The following MIGA2 variants were observed in gnomAD, a reference collection of about 807,000 sequenced individuals.
MIGA2 encodes mitoguardin 2.
Under a neutral mutation model 69.9 loss-of-function variants are expected in MIGA2, and 36 were observed. That is an observed-to-expected ratio of 0.52 (90% CI 0.39 to 0.68). The LOEUF (loss-of-function observed/expected upper bound fraction) is 0.68, where lower values mean the gene tolerates loss of function less well. Among genes scored for constraint, MIGA2 ranks in the 30% least tolerant of loss-of-function variants. MIGA2 has a pLI of 0.00. For synonymous variants in MIGA2, 333 were observed against 349.2 expected (o/e 0.95, Z 0.52); for missense variants, 660 against 787.7 (o/e 0.84, Z 1.94).
chr9:129,040,252 C>T (rs1316841576), intron 1 of MIGA2, among the ~76,000 whole-genome samples, 200 bp from the exon 2 acceptor site: 1 of 152,210 alleles, frequency 6.6e-6, no homozygotes, highest in African/African-American at 2.4e-5. Context: ...GCTCGCAGGG[C>T]CCCTGGTAGG....
At chr9:129,058,184 C>T (rs1190315445) in intron 6 of MIGA2, among the ~76,000 whole-genome samples, 1 of 151,758 alleles carries the variant, frequency 6.6e-6, no homozygotes, top group Admixed American at 6.6e-5. Flanking sequence ...ATTGCATGAA[C>T]CCATACGTTT....
In MIGA2 at chr9:129,045,195, A is replaced by C. The variant is rs373590754; in HGVS notation, c.307+2681A>C. Among the ~76,000 whole-genome samples, 4 of 150,032 alleles carry C rather than the reference A, an allele frequency of 2.7e-5. No homozygotes were observed. The East Asian group carries it at 7.8e-4, about 29-fold the overall frequency. ...AGCAAAAGTAGCCTGTGATTTCAGC[A>C]CTTTGAGAGGCTGAGGTGGGCGGGT... is the stretch of plus-strand genomic sequence containing the variant. On this transcript the variant is annotated intron_variant, in intron 3 of 15. Transcript: ENST00000684074.
rs935612111 is a variant in MIGA2 at position 129,044,963 on chromosome 9, G to A, written c.307+2449G>A. ...GCTTATAATCCCAGCACTTTGGGAGGCTAAAGCAGGCGGATCCCGAGGTCA... is the reference window on the plus strand; with the variant it reads ...GCTTATAATCCCAGCACTTTGGGAGACTAAAGCAGGCGGATCCCGAGGTCA... On this transcript the variant is annotated intron_variant, in intron 3 of 15. Coordinates refer to ENST00000684074, the MANE Select transcript of MIGA2 (RefSeq NM_001329990.2). Among the ~76,000 whole-genome samples, 3 of 149,986 alleles carry A rather than the reference G, an allele frequency of 2.0e-5. No individual in the cohort carries two copies. The East Asian group carries it at 6.1e-4, about 30-fold the overall frequency.
At position 129,070,450 on chromosome 9, in the gene MIGA2, G is replaced by A; in HGVS notation, c.1779G>A (p.Gln593=). ...AGAATGGGCCCCTGGGGGAGCTGCA[G>A]TAGAGGCGGCACGGGCTGGGGGGTG... is the stretch of plus-strand genomic sequence containing the variant. ...PRENGPLGEL[Q] Residue 593 remains glutamine (Q), a synonymous_variant, in exon 16 of 16, where the codon CAG becomes CAA. Transcript: ENST00000684074. The A allele has an allele frequency of 6.4e-7, 1 of 1,570,754 alleles. No homozygotes were observed. Among genetic ancestry groups the A allele is most frequent in the African/African-American group, 1.3e-5 (1 of 74,166 alleles).
At chr9:129,065,143 A>G (rs1272612354) in intron 11 of MIGA2, among the ~76,000 whole-genome samples, 1 of 150,908 alleles carries the variant, frequency 6.6e-6, no homozygotes, top group African/African-American at 2.4e-5. Flanking sequence ...AGTGTAAAAA[A>G]TATAGGATTT....
chr9:129,066,194 A>G (rs1846331469), intron 11 of MIGA2, among the ~76,000 whole-genome samples: 1 of 152,180 alleles, frequency 6.6e-6, no homozygotes, highest in South Asian at 2.1e-4. Context: ...GGTACTGAGC[A>G]TGTGAAGGGT....
At position 129,038,878 on chromosome 9, in the gene MIGA2, C is replaced by G. The variant is rs185616043; in HGVS notation, c.-143-1574C>G. 1.3e-3 allele frequency among the ~76,000 whole-genome samples: 196 copies of G among 149,158 alleles called. 1 individual carries two copies. The highest frequency in any genetic ancestry group is 4.6e-3 in the African/African-American group (183 of 40,154). ...TGGCGCGATCTAGGCTCACTGCAACCTCTGCCTCCTGGATTCAGGCGATTC... is the reference window on the plus strand; with the variant it reads ...TGGCGCGATCTAGGCTCACTGCAACGTCTGCCTCCTGGATTCAGGCGATTC... On this transcript the variant is annotated intron_variant, in intron 1 of 15. Coordinates refer to ENST00000684074, the MANE Select transcript of MIGA2 (RefSeq NM_001329990.2).
At chr9:129,049,320 G>A (rs1845396275) in intron 4 of MIGA2, 61 bp from the exon 5 acceptor site, 2 of 1,520,656 alleles carry the variant, frequency 1.3e-6, no homozygotes, top group Non-Finnish European at 1.8e-6. Context: ...AGGGCTCAGG[G>A]GGGCCCTGCA....
intron 6 of MIGA2, among the ~76,000 whole-genome samples, chr9:129,056,956 C>T (rs1845828957): frequency 6.6e-6 from 1 of 151,842 alleles, no homozygotes; most frequent in Admixed American, 6.6e-5. Flanking sequence ...ATTGCTTGAA[C>T]CTGGGAGTTG....
chr9:129,044,751 C>G (rs1402216887), intron 3 of MIGA2, among the ~76,000 whole-genome samples: 1 of 151,584 alleles, frequency 6.6e-6, no homozygotes, highest in Non-Finnish European at 1.5e-5. Flanking sequence ...TGGGGTTTCA[C>G]CATGTTGGCC....
At chr9:129,037,462 C>A (rs554808246) in intron 1 of MIGA2, among the ~76,000 whole-genome samples, 3 of 152,276 alleles carry the variant, frequency 2.0e-5, no homozygotes, top group Non-Finnish European at 2.9e-5. Context: ...GGTAGGGGAC[C>A]TTGCCGTGGG....
Position 129,059,134 on chromosome 9 carries a change from G to A in MIGA2, c.676-20G>A, listed in dbSNP as rs1235432629. On this transcript the variant is annotated intron_variant, in intron 6 of 15. Coordinates refer to ENST00000684074, the MANE Select transcript of MIGA2 (RefSeq NM_001329990.2). The surrounding 1 kb of genome is among the most constrained non-coding windows in gnomAD (Gnocchi z 5.6). ...GGGAGCTTTGAGGGTCTGGGTTGAG[G>A]GTCCTTGTTTTTATGGCAGCCAGAG... The A allele has an allele frequency of 1.9e-6, 3 of 1,609,990 alleles. 1 individual carries two copies. The Admixed American group carries it at 5.0e-5, about 27-fold the overall frequency.
intron 3 of MIGA2, among the ~76,000 whole-genome samples, chr9:129,043,391 T>C (rs1352687117): frequency 6.7e-6 from 1 of 148,720 alleles, no homozygotes; most frequent in African/African-American, 2.5e-5. Context: ...TCTCTTTTTT[T>C]TTTTTTTTTT....
intron 6 of MIGA2, 27 bp downstream of exon 6, chr9:129,049,990 G>T: frequency 6.3e-7 from 1 of 1,594,224 alleles, no homozygotes; most frequent in South Asian, 1.1e-5. Flanking sequence ...ATCCCCCTAC[G>T]CCCATGGGAT....
intron 6 of MIGA2, among the ~76,000 whole-genome samples, 197 bp downstream of exon 6, chr9:129,050,160 C>T (rs964561398): frequency 2.6e-5 from 4 of 152,232 alleles, no homozygotes; most frequent in East Asian, 1.9e-4. Context: ...TAAAAACAGC[C>T]GTACTGAGAC....
chr9:129,068,266 G>A lies in MIGA2; in HGVS notation c.1338G>A (p.Glu446=), dbSNP rs775342063. The change falls in exon 13 of 16, where the codon GAG becomes GAA. Residue 446 remains glutamate (E), a synonymous_variant. Transcript: ENST00000684074. The surrounding 1 kb of genome is among the most constrained non-coding windows in gnomAD (Gnocchi z 4.1). ...FILMDAFEDL[E]NPPASVLAVL... is the part of the protein sequence containing the mutation. Reference sequence around the variant, plus strand: ...TCATGGACGCCTTCGAGGACCTGGAGAACCCTCCGGCCTCGGTGCTCGCCG... The same window carrying A: ...TCATGGACGCCTTCGAGGACCTGGAAAACCCTCCGGCCTCGGTGCTCGCCG... The A allele has an allele frequency of 6.9e-5, 112 of 1,613,184 alleles. No homozygotes were observed. In the South Asian group the frequency reaches 7.7e-4, roughly 11 times the overall value.
intron 6 of MIGA2, among the ~76,000 whole-genome samples, chr9:129,054,579 C>G (rs1246859640): frequency 6.6e-6 from 1 of 152,236 alleles, no homozygotes; most frequent in African/African-American, 2.4e-5. Flanking sequence ...CTGGATTTGC[C>G]TATCACGGAC....
intron 9 of MIGA2, among the ~76,000 whole-genome samples, chr9:129,062,653 G>T (rs1846127319): frequency 6.6e-6 from 1 of 151,674 alleles, no homozygotes; most frequent in Non-Finnish European, 1.5e-5. Context: ...AGACCAACCT[G>T]GCTAACATGG....
chr9:129,049,600 C>T (rs1431979961), intron 5 of MIGA2, 102 bp downstream of exon 5: 2 of 1,298,246 alleles, frequency 1.5e-6, no homozygotes, highest in Non-Finnish European at 1.1e-6. Context: ...CCCTCACTAC[C>T]CTGCCCCAAA....
Sources: gnomAD v4.1 joint callset for allele counts (sites outside exome capture counted in the v4.1 genomes callset) on GRCh38, gnomAD v4.1.1 for gene constraint, Gnocchi (gnomAD v3.1) non-coding constraint, MANE v1.5 for transcripts, NCBI Gene and HGNC (gene_info 2026-07-23, HGNC 2026-07-21) for gene names.